The following KDM2B variants were observed in gnomAD, a reference collection of about 807,000 sequenced individuals.
KDM2B encodes the protein lysine demethylase 2B.
A neutral mutation model predicts 150.0 loss-of-function variants in KDM2B; 26 were observed. The observed-to-expected ratio is 0.17, with a 90% CI of 0.13 to 0.24. KDM2B has a LOEUF of 0.24. Ranked by LOEUF, KDM2B falls within the 10% of genes least tolerant of loss-of-function variation. The pLI, the probability that KDM2B is intolerant of heterozygous loss-of-function variation, is 1.00. For missense variants in KDM2B, 1,265 were observed against 1,816.9 expected, an observed-to-expected ratio of 0.70 and a Z score of 5.52; for synonymous variants, 734 against 729.5, an observed-to-expected ratio of 1.01 and a Z score of -0.10.
At chr12:121,494,483 G>T in intron 12 of KDM2B, 96 bp downstream of exon 12, 1 of 785,958 alleles carries the variant, frequency 1.3e-6, no homozygotes, top group Non-Finnish European at 2.1e-6. Context: ...ATCTCAGGAG[G>T]CCCCATAGCT....
intron 11 of KDM2B, among the ~76,000 whole-genome samples, chr12:121,496,267 A>G (rs1482282235): frequency 1.3e-5 from 2 of 152,142 alleles, no homozygotes; most frequent in Non-Finnish European, 2.9e-5. Context: ...AAGCACACAC[A>G]GAACTATCAC....
chr12:121,541,719 C>T (rs1442274485), intron 6 of KDM2B, among the ~76,000 whole-genome samples: 1 of 152,136 alleles, frequency 6.6e-6, no homozygotes, highest in Non-Finnish European at 1.5e-5. Flanking sequence ...GAGGGCCAAA[C>T]CTATGCTTTA....
At chr12:121,581,385 A>G (rs1170274873), upstream of KDM2B, 4 of 154,532 alleles carry the variant, frequency 2.6e-5, no homozygotes, top group Non-Finnish European at 5.7e-5. Flanking sequence ...TAGCGGAGGT[A>G]TCGGCACCCT....
the KDM2B span, among the ~76,000 whole-genome samples, chr12:121,422,132 AC>A: frequency 6.6e-6 from 1 of 152,146 alleles, no homozygotes; most frequent in East Asian, 1.9e-4. Context: ...TGCCATTCCC[AC>A]CCTTAAGTAC....
chr12:121,441,323 C>T (rs574612509), intron 19 of KDM2B, 90 bp from the exon 20 acceptor site: 1 of 1,295,300 alleles, frequency 7.7e-7, no homozygotes, highest in African/African-American at 1.5e-5. Flanking sequence ...CACCTAACAA[C>T]CTCTGGGAGG....
intron 12 of KDM2B, among the ~76,000 whole-genome samples, chr12:121,465,096 T>C (rs1216696306): frequency 2.0e-5 from 3 of 151,832 alleles, no homozygotes; most frequent in African/African-American, 7.3e-5. Flanking sequence ...GAAAAAAAAA[T>C]CATCTTAAAG....
chr12:121,421,395 A>AAC, the KDM2B span, among the ~76,000 whole-genome samples: 2 of 149,836 alleles, frequency 1.3e-5, no homozygotes, highest in Non-Finnish European at 3.0e-5. Context: ...AAAAAAAAAA[A>AAC]AAACCAAAAA....
At chr12:121,423,612 C>T in the KDM2B span, 2 of 1,575,348 alleles carry the variant, frequency 1.3e-6, no homozygotes, top group Non-Finnish European at 1.7e-6. This position sits in a 1 kb window ranked among gnomAD's most constrained non-coding sequence, Gnocchi z 4.3. Flanking sequence ...CACCCCCAAA[C>T]TTGACCCCCA....
chr12:121,467,129 C>A lies in KDM2B; in HGVS notation c.1735-13785G>T. On this transcript the variant is annotated intron_variant, in intron 12 of 22. Coordinates refer to ENST00000377071, the MANE Select transcript of KDM2B (RefSeq NM_032590.5). This position sits in a 1 kb window ranked among gnomAD's most constrained non-coding sequence, Gnocchi z 5.1. ...GGTCGGGAGGTCGTGCGGCGGGTCC[C>A]TCCCTCAGCCCCACCCCGGGCCGCC... The A allele has an allele frequency of 9.0e-7, 1 of 1,117,058 alleles. No homozygotes were observed. The highest frequency in any genetic ancestry group is 1.1e-6 in the Non-Finnish European group (1 of 895,780). 69.2% of individuals were successfully genotyped at this position (1,117,058 alleles called of 1,614,324 possible).
At chr12:121,496,857 T>C (rs1335481100) in intron 11 of KDM2B, among the ~76,000 whole-genome samples, 1 of 148,440 alleles carries the variant, frequency 6.7e-6, no homozygotes, top group Non-Finnish European at 1.5e-5. Flanking sequence ...AGTGCTGGGA[T>C]TATAGGTGTG....
chr12:121,573,230 A>AT (rs1891247824), intron 4 of KDM2B, among the ~76,000 whole-genome samples: 2 of 151,102 alleles, frequency 1.3e-5, no homozygotes, highest in African/African-American at 4.9e-5. Flanking sequence ...AAGTGCTAGG[A>AT]TTACAGGCAT....
At chr12:121,514,106 A>T (rs1555304492) in intron 9 of KDM2B, among the ~76,000 whole-genome samples, 1 of 152,044 alleles carries the variant, frequency 6.6e-6, no homozygotes, top group Non-Finnish European at 1.5e-5. Context: ...GCTGAGGGAG[A>T]CACATCTCGG....
intron 11 of KDM2B, among the ~76,000 whole-genome samples, chr12:121,495,537 G>GA (rs1555300820): frequency 6.6e-6 from 1 of 152,130 alleles, no homozygotes; most frequent in Non-Finnish European, 1.5e-5. Flanking sequence ...TGGCCTCGAG[G>GA]AATCCTCCCT....
Position 121,574,572 on chromosome 12 carries a change from T to C in KDM2B, c.372A>G (p.Thr124=). 1.2e-6 allele frequency: 2 copies of C among 1,613,942 alleles called. No individual in the cohort carries two copies. Among genetic ancestry groups the C allele is most frequent in the Non-Finnish European group, 1.7e-6 (2 of 1,179,900 alleles). The change falls in exon 4 of 23, where the codon ACA becomes ACG. Residue 124 remains threonine, a synonymous_variant. Coordinates refer to ENST00000377071, the MANE Select transcript of KDM2B (RefSeq NM_032590.5). ...LGIKMPDPDF[T]VRDVKLLVGS... ...CCACTAGGAGTTTGACGTCTCGGAC[T>C]GTGAAATCAGGGTCAGGCATCCTGG... is the stretch of plus-strand genomic sequence containing the variant.
intron 12 of KDM2B, chr12:121,470,693 C>T (rs1880681617): frequency 6.6e-6 from 1 of 150,790 alleles, no homozygotes; most frequent in Admixed American, 6.7e-5. Flanking sequence ...GGGCTCTCAA[C>T]TGCACCGCTC....
At chr12:121,471,086 T>C (rs1555295859) in intron 12 of KDM2B, among the ~76,000 whole-genome samples, 1 of 152,256 alleles carries the variant, frequency 6.6e-6, no homozygotes, top group Non-Finnish European at 1.5e-5. Flanking sequence ...TTTGTATTAA[T>C]AGTGTGCTGG....
intron 12 of KDM2B, among the ~76,000 whole-genome samples, chr12:121,465,901 G>A (rs553972290): frequency 6.6e-6 from 1 of 152,286 alleles, no homozygotes; most frequent in South Asian, 2.1e-4. Flanking sequence ...TTCACACGTA[G>A]GGCTACTGAC....
chr12:121,415,296 G>T, the KDM2B span: 1 of 383,828 alleles, frequency 2.6e-6, no homozygotes. Context: ...AATTACAAAT[G>T]CGAAAACAGA....
Position 121,478,116 on chromosome 12 carries a change from C to T in KDM2B, c.1734+16463G>A, listed in dbSNP as rs1003955663. 4.6e-5 allele frequency among the ~76,000 whole-genome samples: 7 copies of T among 151,878 alleles called. No individual in the cohort carries two copies. The East Asian group carries it at 9.7e-4, about 21-fold the overall frequency. ...CAGGATGGTCAACAAATAACCCTCC[C>T]GCCTTGGCCTCCCCTCCCAAAGTGC... On this transcript the variant is annotated intron_variant, in intron 12 of 22. Coordinates refer to ENST00000377071, the MANE Select transcript of KDM2B (RefSeq NM_032590.5).
Sources: allele counts gnomAD v4.1 joint callset (sites outside exome capture counted in the v4.1 genomes callset), GRCh38; gene constraint gnomAD v4.1.1; non-coding constraint Gnocchi (gnomAD v3.1); transcripts MANE v1.5; gene names NCBI Gene and HGNC (gene_info 2026-07-23, HGNC 2026-07-21).